RGS7: variants seen among roughly 807,000 people sequenced by gnomAD.
The protein encoded by RGS7 is regulator of G-protein signaling 7.
RGS7 carries 27 observed loss-of-function variants against 81.1 expected under a neutral mutation model. The observed-to-expected ratio is 0.33, with a 90% CI of 0.25 to 0.46. The LOEUF (loss-of-function observed/expected upper bound fraction) is 0.46. Among genes scored for constraint, RGS7 ranks in the 20% least tolerant of loss-of-function variants. RGS7 has a pLI of 1.00. For missense variants in RGS7, 396 were observed against 607.4 expected (o/e 0.65, Z 3.66); for synonymous variants, 208 against 207.7 (o/e 1.00, Z -0.01).
intron 3 of RGS7, among the ~76,000 whole-genome samples, chr1:241,084,585 C>T (rs969200176): frequency 2.0e-5 from 3 of 152,134 alleles, no homozygotes; most frequent in African/African-American, 7.2e-5. Flanking sequence ...AGGTCAGTCA[C>T]ACTCATATGA....
At chr1:241,257,878 C>T (rs979514938) in intron 2 of RGS7, among the ~76,000 whole-genome samples, 3 of 152,286 alleles carry the variant, frequency 2.0e-5, no homozygotes, top group African/African-American at 4.8e-5. Flanking sequence ...ACGACATAGA[C>T]TATATAGTTC....
At chr1:240,910,992 C>A (rs1484223487) in intron 6 of RGS7, among the ~76,000 whole-genome samples, 1 of 152,140 alleles carries the variant, frequency 6.6e-6, no homozygotes, top group African/African-American at 2.4e-5. Flanking sequence ...CCTGAGCCAT[C>A]ATACCTGGCC....
intron 6 of RGS7, chr1:240,920,473 C>G (rs1414347889): frequency 2.0e-6 from 2 of 995,362 alleles, no homozygotes; most frequent in African/African-American, 1.6e-5. Context: ...CATTTTGGAC[C>G]CATGAAGCGA....
chr1:241,196,619 A>C (rs940347884), intron 2 of RGS7, among the ~76,000 whole-genome samples: 1 of 152,124 alleles, frequency 6.6e-6, no homozygotes, highest in Non-Finnish European at 1.5e-5. Flanking sequence ...AATTTATTGA[A>C]GAACAAAAAT....
intron 3 of RGS7, among the ~76,000 whole-genome samples, chr1:241,031,327 T>C (rs2148729398): frequency 6.6e-6 from 1 of 152,330 alleles, no homozygotes; most frequent in East Asian, 1.9e-4. Context: ...ACCAGTAGTA[T>C]TCTGTTGTAT....
intron 2 of RGS7, among the ~76,000 whole-genome samples, chr1:241,291,199 A>C (rs917087468): frequency 6.6e-6 from 1 of 152,192 alleles, no homozygotes; most frequent in Non-Finnish European, 1.5e-5. Context: ...CAAAGGAGGA[A>C]GACCATGTGC....
chr1:240,804,794 G>A (rs1688576611), intron 15 of RGS7, among the ~76,000 whole-genome samples: 1 of 152,084 alleles, frequency 6.6e-6, no homozygotes, highest in Admixed American at 6.5e-5. Flanking sequence ...TTTCTACATT[G>A]GAGACCATGG....
chr1:241,323,721 C>T (rs1225055926), intron 2 of RGS7, among the ~76,000 whole-genome samples: 1 of 152,214 alleles, frequency 6.6e-6, no homozygotes, highest in Non-Finnish European at 1.5e-5. Flanking sequence ...TGTCCGAGGT[C>T]CTGATACCCT....
rs374131786 is a variant in RGS7 at position 241,242,156 on chromosome 1, G to A, written c.78+113543C>T. Among the ~76,000 whole-genome samples the A allele has an allele frequency of 3.3e-5, 5 of 151,034 alleles. No individual in the cohort carries two copies. The South Asian group carries it at 1.0e-3, about 32-fold the overall frequency. ...TCCACTGTATCATTCTTAGGCCTTT[G>A]CGTCCTTATAGCTTAGCTCCCACTT... On this transcript the variant is annotated intron_variant, in intron 2 of 18. Coordinates refer to ENST00000440928, the MANE Select transcript of RGS7 (RefSeq NM_001364886.1).
At chr1:240,887,130 C>T (rs1436350968) in intron 6 of RGS7, among the ~76,000 whole-genome samples, 7 of 151,714 alleles carry the variant, frequency 4.6e-5, no homozygotes, top group African/African-American at 7.3e-5. Context: ...ATATATTGTA[C>T]TTTCAGGTCA....
intron 2 of RGS7, among the ~76,000 whole-genome samples, chr1:241,341,269 A>G (rs1178415056): frequency 3.9e-5 from 6 of 152,190 alleles, no homozygotes. Flanking sequence ...TATCTTGAAC[A>G]ATGTGAGTCC....
chr1:241,085,498 C>T (rs538191041), intron 3 of RGS7, among the ~76,000 whole-genome samples: 1 of 152,162 alleles, frequency 6.6e-6, no homozygotes, highest in Non-Finnish European at 1.5e-5. Context: ...GATCTTGGCT[C>T]ACTGCAACCT....
intron 6 of RGS7, among the ~76,000 whole-genome samples, chr1:240,872,814 C>T (rs544741820): frequency 6.3e-4 from 96 of 152,316 alleles, no homozygotes; most frequent in African/African-American, 2.2e-3. Context: ...CACATTGGCT[C>T]ATGCCTGTAA....
chr1:240,926,685 C>A (rs1674493993), intron 6 of RGS7, among the ~76,000 whole-genome samples: 1 of 152,170 alleles, frequency 6.6e-6, no homozygotes, highest in South Asian at 2.1e-4. Flanking sequence ...GCCCACACTG[C>A]AAGTCCTTAG....
chr1:241,266,801 T>C (rs1413324193), intron 2 of RGS7, among the ~76,000 whole-genome samples: 1 of 149,912 alleles, frequency 6.7e-6, no homozygotes, highest in East Asian at 2.0e-4. Context: ...TGCAGTTTTA[T>C]TTTACAGAGT....
intron 3 of RGS7, among the ~76,000 whole-genome samples, chr1:241,066,570 T>C (rs984317635): frequency 6.6e-6 from 1 of 152,232 alleles, no homozygotes; most frequent in Non-Finnish European, 1.5e-5. Context: ...GTGTCTTTCT[T>C]AAGTTCTTGC....
intron 6 of RGS7, among the ~76,000 whole-genome samples, chr1:240,875,959 T>C (rs993563551): frequency 2.0e-5 from 3 of 152,202 alleles, no homozygotes; most frequent in Non-Finnish European, 4.4e-5. Context: ...AGTTTAAAGC[T>C]CCTTATGATT....
chr1:241,108,072 A>T (rs1162545870), intron 2 of RGS7, among the ~76,000 whole-genome samples: 1 of 152,086 alleles, frequency 6.6e-6, no homozygotes, highest in Non-Finnish European at 1.5e-5. Context: ...AGGCGGGTGG[A>T]TCACAAGGTC....
chr1:241,357,169 C>T lies in RGS7; in HGVS notation c.-321G>A, dbSNP rs1475997403. The T allele has an allele frequency of 6.6e-6, 1 of 152,094 alleles. No individual in the cohort carries two copies. The highest frequency in any genetic ancestry group is 1.5e-5 in the Non-Finnish European group (1 of 68,068). 9.4% of individuals were successfully genotyped at this position (152,094 alleles called of 1,614,324 possible). ...GCTCTCTCCCTCCTCCGCTTCTTCT[C>T]CCGGGGACTGGGACCAGCCGAGCGC... On this transcript the variant is annotated 5_prime_UTR_variant, in exon 1 of 19. Transcript: ENST00000440928.
Sources: allele counts gnomAD v4.1 joint callset (sites outside exome capture counted in the v4.1 genomes callset), GRCh38; gene constraint gnomAD v4.1.1; transcripts MANE v1.5; gene names NCBI Gene and HGNC (gene_info 2026-07-23, HGNC 2026-07-21).